Variants in EIF4EBP1 observed in about 807,000 individuals in gnomAD.
The protein encoded by EIF4EBP1 is eukaryotic translation initiation factor 4E binding protein 1.
Under a neutral mutation model 9.2 loss-of-function variants are expected in EIF4EBP1, and 5 were observed. That is an observed-to-expected ratio of 0.54 (90% CI 0.28 to 1.14). EIF4EBP1 has a LOEUF of 1.14. EIF4EBP1 is among the 50% of genes most tolerant of loss of function. The probability of loss-of-function intolerance (pLI) is 0.09; values close to 1 mark genes in which losing one functional copy is unlikely to be tolerated. For missense variants in EIF4EBP1, 139 were observed against 169.6 expected (o/e 0.82, Z 1.00); for synonymous variants, 62 against 67.0 (o/e 0.93, Z 0.36).
chr8:38,049,057 G>A (rs1485715392), intron 1 of EIF4EBP1, among the ~76,000 whole-genome samples: 1 of 151,300 alleles, frequency 6.6e-6, no homozygotes, highest in Non-Finnish European at 1.5e-5. Context: ...TCTGGGAGGC[G>A]GAGGTTGCAG....
chr8:38,031,890 A>G (rs564166814), intron 1 of EIF4EBP1, among the ~76,000 whole-genome samples: 11 of 152,260 alleles, frequency 7.2e-5, no homozygotes, highest in Admixed American at 3.3e-4. Context: ...TGGACAAGAA[A>G]TAGCAACCAG....
At chr8:38,059,852 T>C in intron 2 of EIF4EBP1, 52 bp from the exon 3 acceptor site, 1 of 1,459,954 alleles carries the variant, frequency 6.8e-7, no homozygotes, top group Non-Finnish European at 9.3e-7. Context: ...TGGCCTCATA[T>C]ACCAAGCATT....
At chr8:38,032,321 T>C (rs1410564096) in intron 1 of EIF4EBP1, among the ~76,000 whole-genome samples, 1 of 152,114 alleles carries the variant, frequency 6.6e-6, no homozygotes, top group East Asian at 1.9e-4. Context: ...AAGACCAGCC[T>C]GGGCAACATA....
chr8:38,036,792 G>T, intron 1 of EIF4EBP1, among the ~76,000 whole-genome samples: 1 of 151,902 alleles, frequency 6.6e-6, no homozygotes, highest in East Asian at 1.9e-4. Context: ...GGGACTACAG[G>T]CATGCACCAC....
At chr8:38,043,075 G>A (rs1015551360) in intron 1 of EIF4EBP1, among the ~76,000 whole-genome samples, 3 of 152,022 alleles carry the variant, frequency 2.0e-5, no homozygotes, top group African/African-American at 4.8e-5. Flanking sequence ...TCACACACAC[G>A]AAAAAAAGTT....
chr8:38,056,601 C>T (rs572561749), intron 1 of EIF4EBP1, among the ~76,000 whole-genome samples: 26 of 150,790 alleles, frequency 1.7e-4, no homozygotes, highest in African/African-American at 6.3e-4. Context: ...GAGTTGGGGC[C>T]GTTTGGAGGT....
At chr8:38,036,435 C>T (rs925756519) in intron 1 of EIF4EBP1, among the ~76,000 whole-genome samples, 3 of 152,024 alleles carry the variant, frequency 2.0e-5, no homozygotes, top group Admixed American at 1.3e-4. Context: ...CTCACTCGAA[C>T]GATTCTGGGT....
chr8:38,049,959 C>T (rs573192258), intron 1 of EIF4EBP1, among the ~76,000 whole-genome samples: 4 of 151,754 alleles, frequency 2.6e-5, no homozygotes, highest in South Asian at 4.2e-4. Context: ...TCCCCAGGCC[C>T]GGAGTGCAGT....
At chr8:38,037,339 CTG>C (rs1809317827) in intron 1 of EIF4EBP1, among the ~76,000 whole-genome samples, 1 of 151,946 alleles carries the variant, frequency 6.6e-6, no homozygotes. Flanking sequence ...ATTTTTGAGA[CTG>C]AGTCTTGCTC....
intron 1 of EIF4EBP1, among the ~76,000 whole-genome samples, chr8:38,039,127 G>A (rs1006596867): frequency 6.6e-6 from 1 of 151,786 alleles, no homozygotes; most frequent in African/African-American, 2.4e-5. Flanking sequence ...CCCAAGCTCA[G>A]GTGATCCGCC....
At position 38,031,366 on chromosome 8, in the gene EIF4EBP1, C is replaced by G. The variant is rs1031180973; in HGVS notation, c.145+648C>G. ...TCTGTCCGGGGAGAGGAGGAGGCAC[C>G]GTGTGACCTCCCTGGGAGAGGATGA... On this transcript the variant is annotated intron_variant, in intron 1 of 2. Coordinates refer to ENST00000338825, the MANE Select transcript of EIF4EBP1 (RefSeq NM_004095.4). Among the ~76,000 whole-genome samples the G allele has an allele frequency of 6.6e-5, 10 of 152,076 alleles. No homozygotes were observed. The East Asian group carries it at 1.7e-3, about 26-fold the overall frequency.
intron 1 of EIF4EBP1, among the ~76,000 whole-genome samples, chr8:38,047,176 A>C (rs1408337013): frequency 6.6e-6 from 1 of 152,088 alleles, no homozygotes; most frequent in Non-Finnish European, 1.5e-5. Context: ...CTGTCTGTGG[A>C]CTTCACACAC....
At chr8:38,033,260 G>T (rs1397049135) in intron 1 of EIF4EBP1, among the ~76,000 whole-genome samples, 2 of 151,518 alleles carry the variant, frequency 1.3e-5, no homozygotes, top group South Asian at 2.1e-4. Context: ...AGAGACGGGG[G>T]TTTCACCATG....
intron 1 of EIF4EBP1, among the ~76,000 whole-genome samples, chr8:38,040,956 T>A (rs1309209397): frequency 6.6e-6 from 1 of 152,096 alleles, no homozygotes; most frequent in Non-Finnish European, 1.5e-5. Context: ...TGCACCACCA[T>A]GCCCAGCTAA....
chr8:38,036,902 G>A (rs923953956), intron 1 of EIF4EBP1, among the ~76,000 whole-genome samples: 1 of 151,400 alleles, frequency 6.6e-6, no homozygotes, highest in African/African-American at 2.4e-5. Context: ...CACCCGCCTT[G>A]ACCTCCCAAA....
At chr8:38,059,705 G>A (rs767988208) in intron 2 of EIF4EBP1, among the ~76,000 whole-genome samples, 199 bp from the exon 3 acceptor site, 5 of 149,064 alleles carry the variant, frequency 3.4e-5, no homozygotes, top group Non-Finnish European at 5.9e-5. Flanking sequence ...GCAGTGAGCC[G>A]AAATTGGGCC....
At chr8:38,057,347 G>T in intron 2 of EIF4EBP1, 87 bp downstream of exon 2, 2 of 1,458,732 alleles carry the variant, frequency 1.4e-6, no homozygotes, top group Non-Finnish European at 9.2e-7. Context: ...CAATTCCAGG[G>T]AGGAGGAACA....
At position 38,051,923 on chromosome 8, in the gene EIF4EBP1, G is replaced by A. The variant is rs535269869; in HGVS notation, c.146-5158G>A. On this transcript the variant is annotated intron_variant, in intron 1 of 2. Coordinates refer to ENST00000338825, the MANE Select transcript of EIF4EBP1 (RefSeq NM_004095.4). The stretch of plus-strand genomic sequence containing the variant: ...GTTTTACTTTTAAAGATGAGGTCTC[G>A]CTGTGTTGGCCAAGCTGGTCTGGAA... Among the ~76,000 whole-genome samples the A allele has an allele frequency of 1.4e-4, 22 of 152,216 alleles. No homozygotes were observed. In the South Asian group the frequency reaches 3.5e-3, roughly 24 times the overall value.
intron 2 of EIF4EBP1, among the ~76,000 whole-genome samples, chr8:38,058,598 T>C (rs1221876121): frequency 1.3e-5 from 2 of 152,210 alleles, no homozygotes; most frequent in Non-Finnish European, 2.9e-5. Flanking sequence ...TATATTAATT[T>C]GGTCCCCATA....
Sources: gnomAD v4.1 joint callset for allele counts (sites outside exome capture counted in the v4.1 genomes callset) on GRCh38, gnomAD v4.1.1 for gene constraint, MANE v1.5 for transcripts, NCBI Gene and HGNC (gene_info 2026-07-23, HGNC 2026-07-21) for gene names.